Variants in NEGR1 observed in about 807,000 individuals in gnomAD.
NEGR1 encodes the protein IgLON family member 4.
In NEGR1, 10 loss-of-function variants were observed where a neutral mutation model predicts 40.9. That is an observed-to-expected ratio of 0.24 (90% CI 0.15 to 0.42). NEGR1 has a LOEUF of 0.42. Among genes scored for constraint, NEGR1 ranks in the 10% least tolerant of loss-of-function variants. The pLI, the probability that NEGR1 is intolerant of heterozygous loss-of-function variation, is 1.00. For missense variants in NEGR1, 352 were observed against 438.9 expected (o/e 0.80, Z 1.77); for synonymous variants, 185 against 166.8 (o/e 1.11, Z -0.84).
intron 1 of NEGR1, among the ~76,000 whole-genome samples, chr1:72,249,362 A>C (rs1037432662): frequency 5.3e-5 from 8 of 152,248 alleles, no homozygotes; most frequent in Admixed American, 5.2e-4. Flanking sequence ...AGCAGCACAG[A>C]TGGGCTAAAA....
intron 1 of NEGR1, among the ~76,000 whole-genome samples, chr1:72,088,394 C>A (rs773247336): frequency 6.6e-6 from 1 of 152,134 alleles, no homozygotes. Context: ...ACTATTCGGG[C>A]TATCACAGTA....
chr1:71,781,723 C>T (rs1039109007), intron 2 of NEGR1, among the ~76,000 whole-genome samples: 13 of 152,102 alleles, frequency 8.5e-5, no homozygotes, highest in Admixed American at 3.9e-4. Context: ...GGGAGTGCAC[C>T]GAATGCCCTC....
intron 6 of NEGR1, among the ~76,000 whole-genome samples, chr1:71,455,423 C>T (rs1646665219): frequency 6.6e-6 from 1 of 152,136 alleles, no homozygotes; most frequent in Admixed American, 6.5e-5. Context: ...AAAGGTGGCA[C>T]TTGAATTAAG....
chr1:71,473,391 T>G (rs888833365), intron 6 of NEGR1, among the ~76,000 whole-genome samples: 1 of 152,120 alleles, frequency 6.6e-6, no homozygotes, highest in Non-Finnish European at 1.5e-5. Flanking sequence ...AATGAAATTA[T>G]AGCTTCAAAG....
chr1:72,130,082 C>A (rs1235256061), intron 1 of NEGR1, among the ~76,000 whole-genome samples: 1 of 152,162 alleles, frequency 6.6e-6, no homozygotes, highest in African/African-American at 2.4e-5. Context: ...CATATTTTCA[C>A]TTTGAGTCAA....
chr1:71,919,703 C>T (rs1229535838), intron 2 of NEGR1, among the ~76,000 whole-genome samples: 1 of 152,074 alleles, frequency 6.6e-6, no homozygotes. Context: ...CCTCAATAAA[C>T]AAACAACAAG....
chr1:71,583,508 G>C (rs2101508347), intron 6 of NEGR1, among the ~76,000 whole-genome samples: 1 of 152,300 alleles, frequency 6.6e-6, no homozygotes, highest in Non-Finnish European at 1.5e-5. Flanking sequence ...GCAGAGTCAA[G>C]CCTGCAGAGT....
chr1:71,425,236 G>T (rs1209287453), intron 6 of NEGR1, among the ~76,000 whole-genome samples: 1 of 152,148 alleles, frequency 6.6e-6, no homozygotes, highest in African/African-American at 2.4e-5. Context: ...GAGCAGGAAG[G>T]CTTAAAGCAT....
chr1:71,980,303 T>C (rs1646343171), intron 1 of NEGR1, among the ~76,000 whole-genome samples: 1 of 152,178 alleles, frequency 6.6e-6, no homozygotes, highest in Non-Finnish European at 1.5e-5. Context: ...TAAGTCATTA[T>C]TATTTGGCAA....
intron 6 of NEGR1, among the ~76,000 whole-genome samples, chr1:71,526,762 T>C (rs1399020554): frequency 6.6e-6 from 1 of 151,612 alleles, no homozygotes; most frequent in Non-Finnish European, 1.5e-5. Flanking sequence ...TAGACCTTGA[T>C]CCTGACTCTC....
chr1:72,219,232 C>A (rs1393496595), intron 1 of NEGR1, among the ~76,000 whole-genome samples: 1 of 151,970 alleles, frequency 6.6e-6, no homozygotes, highest in Non-Finnish European at 1.5e-5. Context: ...ACCAAAAAAT[C>A]ATCTCAAAGC....
At chr1:71,871,810 C>T (rs1660286434) in intron 2 of NEGR1, among the ~76,000 whole-genome samples, 1 of 152,038 alleles carries the variant, frequency 6.6e-6, no homozygotes, top group South Asian at 2.1e-4. Context: ...ACCTAGGGTC[C>T]TTTTTTCTAT....
chr1:71,607,037 G>T (rs1241030044), intron 5 of NEGR1, among the ~76,000 whole-genome samples: 1 of 152,162 alleles, frequency 6.6e-6, no homozygotes, highest in Non-Finnish European at 1.5e-5. Context: ...TAGAAGTAAA[G>T]CGATCGTATA....
intron 2 of NEGR1, among the ~76,000 whole-genome samples, chr1:71,790,664 A>T (rs2101734750): frequency 6.6e-6 from 1 of 152,218 alleles, no homozygotes; most frequent in South Asian, 2.1e-4. Flanking sequence ...ACAATAAAAA[A>T]CTATTTTATG....
At chr1:71,529,963 A>AT (rs1202703947) in intron 6 of NEGR1, among the ~76,000 whole-genome samples, 2 of 151,230 alleles carry the variant, frequency 1.3e-5, no homozygotes, top group Non-Finnish European at 3.0e-5. Context: ...TATATAAAGC[A>AT]TAAGTTATGA....
At chr1:72,001,317 T>G (rs1239304328) in intron 1 of NEGR1, among the ~76,000 whole-genome samples, 2 of 151,920 alleles carry the variant, frequency 1.3e-5, no homozygotes, top group African/African-American at 4.8e-5. Context: ...TCCTCAGCCA[T>G]GAGAGAAAGA....
chr1:71,713,385 G>A (rs1360967304), intron 3 of NEGR1, among the ~76,000 whole-genome samples: 1 of 152,072 alleles, frequency 6.6e-6, no homozygotes, highest in Non-Finnish European at 1.5e-5. Context: ...TAAACTAGTT[G>A]TTTCCCTTTT....
chr1:72,204,987 T>C (rs1157010525), intron 1 of NEGR1, among the ~76,000 whole-genome samples: 1 of 151,920 alleles, frequency 6.6e-6, no homozygotes, highest in African/African-American at 2.4e-5. Flanking sequence ...GAATATGATA[T>C]AAAACAAAAA....
At chr1:71,656,904 C>A (rs948201804) in intron 4 of NEGR1, among the ~76,000 whole-genome samples, 10 of 152,144 alleles carry the variant, frequency 6.6e-5, no homozygotes, top group Admixed American at 4.6e-4. Flanking sequence ...TGCAACATAT[C>A]TCTAATTCAT....
Sources: gnomAD v4.1 joint callset for allele counts (sites outside exome capture counted in the v4.1 genomes callset) on GRCh38, gnomAD v4.1.1 for gene constraint, MANE v1.5 for transcripts, NCBI Gene and HGNC (gene_info 2026-07-23, HGNC 2026-07-21) for gene names.